Variants in CMSS1 observed in about 807,000 individuals in gnomAD.
CMSS1 encodes cms1 ribosomal small subunit homolog.
Under a neutral mutation model 43.5 loss-of-function variants are expected in CMSS1, and 33 were observed. The ratio of observed to expected loss-of-function variants is 0.76; its 90% CI spans 0.57 to 1.01. CMSS1 has a LOEUF of 1.01. Among genes scored for constraint, CMSS1 ranks in the 50% least tolerant of loss-of-function variants. The pLI, the probability that CMSS1 is intolerant of heterozygous loss-of-function variation, is 0.00. For synonymous variants in CMSS1, 115 were observed against 117.2 expected (o/e 0.98, Z 0.12); for missense variants, 313 against 326.4 (o/e 0.96, Z 0.32).
intron 2 of CMSS1, among the ~76,000 whole-genome samples, chr3:100,155,086 G>A (rs552053623): frequency 2.6e-5 from 4 of 152,218 alleles, no homozygotes; most frequent in East Asian, 3.9e-4. Flanking sequence ...CAGTTTACAC[G>A]GGTATTTCTT....
intron 1 of CMSS1, among the ~76,000 whole-genome samples, chr3:99,978,870 G>A (rs1709042384): frequency 1.3e-5 from 2 of 152,032 alleles, no homozygotes; most frequent in South Asian, 4.2e-4. Flanking sequence ...GGGCAACAGA[G>A]CGAGACTCTT....
chr3:99,834,948 A>T (rs793478), intron 1 of CMSS1, among the ~76,000 whole-genome samples: 4 of 152,226 alleles, frequency 2.6e-5, no homozygotes, highest in Non-Finnish European at 5.9e-5. Context: ...ATATTGTGTA[A>T]TAAAGTCCCT....
chr3:99,834,436 T>G (rs1372977782), intron 1 of CMSS1, among the ~76,000 whole-genome samples: 1 of 152,206 alleles, frequency 6.6e-6, no homozygotes, highest in African/African-American at 2.4e-5. Context: ...TCTGTGGAAA[T>G]TATACAGTCA....
At chr3:99,871,674 C>T (rs533978569) in intron 1 of CMSS1, among the ~76,000 whole-genome samples, 20 of 152,154 alleles carry the variant, frequency 1.3e-4, no homozygotes, top group African/African-American at 4.8e-4. Context: ...CTGCTAGCTG[C>T]GGACGTCTGA....
At chr3:99,935,138 T>A in intron 1 of CMSS1, among the ~76,000 whole-genome samples, 1 of 152,158 alleles carries the variant, frequency 6.6e-6, no homozygotes, top group East Asian at 1.9e-4. Context: ...TCTCATGCTT[T>A]GTATTATCAG....
chr3:100,156,065 A>G (rs1381905460), intron 2 of CMSS1, among the ~76,000 whole-genome samples: 1 of 152,092 alleles, frequency 6.6e-6, no homozygotes, highest in Non-Finnish European at 1.5e-5. Context: ...TTCAGGCAAC[A>G]CAAAAGTTTG....
chr3:100,139,360 C>G (rs2066783387), intron 1 of CMSS1, among the ~76,000 whole-genome samples: 1 of 151,682 alleles, frequency 6.6e-6, no homozygotes, highest in South Asian at 2.1e-4. Flanking sequence ...AAAAAAAACC[C>G]TTGAAACATT....
chr3:99,854,927 T>C (rs982412779), intron 1 of CMSS1, among the ~76,000 whole-genome samples: 1 of 152,318 alleles, frequency 6.6e-6, no homozygotes, highest in South Asian at 2.1e-4. Context: ...TTGAATCACA[T>C]AGGAATCTTG....
chr3:100,097,239 A>G (rs2066225635), intron 1 of CMSS1, among the ~76,000 whole-genome samples: 1 of 152,166 alleles, frequency 6.6e-6, no homozygotes, highest in Non-Finnish European at 1.5e-5. Context: ...TCCCCAAACC[A>G]CCAACCATCC....
intron 2 of CMSS1, among the ~76,000 whole-genome samples, chr3:100,156,600 C>T (rs1176051798): frequency 8.6e-5 from 13 of 151,794 alleles, no homozygotes; most frequent in East Asian, 1.9e-4. Context: ...AGCCACCACG[C>T]GCAGCCTTTT....
chr3:99,888,673 G>A (rs761890211), intron 1 of CMSS1, among the ~76,000 whole-genome samples: 14 of 152,152 alleles, frequency 9.2e-5, no homozygotes, highest in Non-Finnish European at 1.9e-4. Flanking sequence ...GGAAGGTAAA[G>A]TAGAGAAAAG....
chr3:99,845,571 T>G (rs946603514), intron 1 of CMSS1, among the ~76,000 whole-genome samples: 1 of 152,188 alleles, frequency 6.6e-6, no homozygotes, highest in African/African-American at 2.4e-5. Flanking sequence ...GTTCTATGAT[T>G]ATCTGTCAAT....
chr3:99,969,348 TA>T (rs1197457364), intron 1 of CMSS1, among the ~76,000 whole-genome samples: 1 of 152,176 alleles, frequency 6.6e-6, no homozygotes, highest in African/African-American at 2.4e-5. Context: ...CTTAGTAAAA[TA>T]AGAGCAAGCT....
At chr3:100,041,918 A>T (rs2107293207) in intron 1 of CMSS1, among the ~76,000 whole-genome samples, 1 of 152,326 alleles carries the variant, frequency 6.6e-6, no homozygotes, top group Middle Eastern at 3.4e-3. Context: ...GAAAACTAGG[A>T]TAGAAAGGCA....
intron 1 of CMSS1, among the ~76,000 whole-genome samples, chr3:100,029,490 G>T (rs986456093): frequency 1.3e-5 from 2 of 152,114 alleles, no homozygotes; most frequent in South Asian, 4.1e-4. Flanking sequence ...TTAAATAGTG[G>T]TTTTGTTTCT....
rs545231570 is a variant in CMSS1 at position 100,078,602 on chromosome 3, A to C, written c.65-68371A>C. Among the ~76,000 whole-genome samples, 1,104 of 152,260 alleles carry C rather than the reference A, an allele frequency of 7.3e-3. 4 individuals carry two copies. The highest frequency in any genetic ancestry group is 0.01 in the African/African-American group (422 of 41,552). On this transcript the variant is annotated intron_variant, in intron 1 of 9. Transcript: ENST00000421999. ...ATAGCTGATGAGGTAAAGAAAAAAA[A>C]AATTGGCCTGGCATGGTGGCTCGCT... is the stretch of plus-strand genomic sequence containing the variant.
intron 1 of CMSS1, among the ~76,000 whole-genome samples, chr3:99,862,064 A>G (rs776143252): frequency 9.9e-5 from 15 of 152,202 alleles, no homozygotes; most frequent in Non-Finnish European, 2.2e-4. Context: ...TGAGTACTAA[A>G]AGAGTAGGTT....
intron 1 of CMSS1, among the ~76,000 whole-genome samples, chr3:99,991,959 T>C (rs1364663882): frequency 6.7e-6 from 1 of 149,174 alleles, no homozygotes; most frequent in Non-Finnish European, 1.5e-5. Flanking sequence ...TGTATATATG[T>C]GTGTATATAT....
chr3:99,990,917 G>A (rs964980376), intron 1 of CMSS1, among the ~76,000 whole-genome samples: 3 of 152,062 alleles, frequency 2.0e-5, no homozygotes, highest in Non-Finnish European at 4.4e-5. Context: ...AAAGCATAAA[G>A]TCTGCCCCTT....
Sources: allele counts gnomAD v4.1 joint callset (sites outside exome capture counted in the v4.1 genomes callset), GRCh38; gene constraint gnomAD v4.1.1; transcripts MANE v1.5; gene names NCBI Gene and HGNC (gene_info 2026-07-23, HGNC 2026-07-21).